Variants in NFIB observed in about 807,000 individuals in gnomAD.
NFIB encodes nuclear factor I B.
In NFIB, 11 loss-of-function variants were observed where a neutral mutation model predicts 61.5. That is an observed-to-expected ratio of 0.18 (90% CI 0.11 to 0.30). The LOEUF (loss-of-function observed/expected upper bound fraction) is 0.30. NFIB is among the 10% of genes least tolerant of loss of function. NFIB has a pLI of 1.00. For synonymous variants in NFIB, 260 were observed against 216.5 expected, an observed-to-expected ratio of 1.20 and a Z score of -1.76; for missense variants, 471 against 608.9, an observed-to-expected ratio of 0.77 and a Z score of 2.38.
the NFIB span, among the ~76,000 whole-genome samples, chr9:14,421,231 A>T: frequency 6.6e-6 from 1 of 152,170 alleles, no homozygotes; most frequent in Admixed American, 6.5e-5. Context: ...AAATGAGATA[A>T]ATAACAATCA....
intron 1 of NFIB, among the ~76,000 whole-genome samples, chr9:14,389,436 T>A (rs1371938286): frequency 6.6e-6 from 1 of 152,198 alleles, no homozygotes; most frequent in Admixed American, 6.5e-5. Context: ...CATATGCTTA[T>A]CTATACTAAG....
intron 1 of NFIB, among the ~76,000 whole-genome samples, chr9:14,386,599 G>C (rs1447088174): frequency 8.6e-6 from 1 of 116,014 alleles, no homozygotes; most frequent in African/African-American, 3.3e-5. Context: ...GAACTCATGA[G>C]AGCCTCTTAG....
chr9:14,120,350 A>T lies in NFIB; in HGVS notation c.1245+90T>A. 1 of 1,382,556 alleles carries T rather than the reference A, an allele frequency of 7.2e-7. No homozygotes were observed. The highest frequency in any genetic ancestry group is 1.0e-6 in the Non-Finnish European group (1 of 973,862). The allele number at this position is 1,382,556 out of a possible 1,614,324, so 85.6% of individuals were successfully genotyped here. A position where few individuals can be genotyped will look rare whatever the true frequency, so the allele number is the denominator to read the frequency against. Reference sequence around the variant, plus strand: ...GGATTTCAAGGCTTGACGTTCTGCCAGACACACTGTCTGACTAACCTTTGT... The same window carrying T: ...GGATTTCAAGGCTTGACGTTCTGCCTGACACACTGTCTGACTAACCTTTGT... On this transcript the variant is annotated intron_variant, in intron 8 of 10. Coordinates refer to ENST00000380953, the MANE Select transcript of NFIB (RefSeq NM_001190737.2). This position sits in a 1 kb window ranked among gnomAD's most constrained non-coding sequence, Gnocchi z 4.4.
intron 8 of NFIB, among the ~76,000 whole-genome samples, chr9:14,119,006 AT>A: frequency 6.6e-6 from 1 of 152,082 alleles, no homozygotes; most frequent in East Asian, 1.9e-4. Context: ...TAATTAAGAC[AT>A]CAGTTAAAAA....
At chr9:14,229,436 C>G (rs1226633841) in intron 2 of NFIB, among the ~76,000 whole-genome samples, 1 of 152,052 alleles carries the variant, frequency 6.6e-6, no homozygotes, top group Non-Finnish European at 1.5e-5. Flanking sequence ...AATTGAGCAC[C>G]AAAAGGCTGC....
In NFIB at chr9:14,216,537, TCTCTCC is replaced by T. The variant is rs1200116715; in HGVS notation, c.563-36763_563-36758del. ...CTCTCTCTCTCTCTCTCTCTCTCTC[TCTCTCC>T]CTCTGTGTGTGTGTGTGTGTGTGTG... is the stretch of plus-strand genomic sequence containing the variant. On this transcript the variant is annotated intron_variant, in intron 2 of 10. Coordinates refer to ENST00000380953, the MANE Select transcript of NFIB (RefSeq NM_001190737.2). Among the ~76,000 whole-genome samples, 276 of 28,920 alleles carry T rather than the reference TCTCTCC, an allele frequency of 9.5e-3. 10 individuals carry two copies. In the East Asian group the frequency reaches 0.11, roughly 12 times the overall value. 19.0% of individuals were successfully genotyped at this position (28,920 alleles called of 152,430 possible).
the NFIB span, among the ~76,000 whole-genome samples, chr9:14,408,198 G>T: frequency 3.3e-5 from 5 of 152,148 alleles, no homozygotes; most frequent in African/African-American, 1.2e-4. Context: ...ATGAGCCACG[G>T]GAGCTGGGCC....
At chr9:14,159,414 C>G (rs1359673759) in intron 3 of NFIB, among the ~76,000 whole-genome samples, 1 of 152,162 alleles carries the variant, frequency 6.6e-6, no homozygotes, top group Non-Finnish European at 1.5e-5. Flanking sequence ...GGCTCTACTC[C>G]TGCATGGAGC....
the NFIB span, among the ~76,000 whole-genome samples, chr9:14,441,060 A>G: frequency 6.6e-6 from 1 of 151,730 alleles, no homozygotes; most frequent in South Asian, 2.1e-4. Context: ...CTAGAACTAT[A>G]AAGATATCTT....
upstream of NFIB, chr9:14,317,275 A>G (rs1390609523): frequency 1.3e-5 from 2 of 152,244 alleles, no homozygotes; most frequent in African/African-American, 2.4e-5. Flanking sequence ...CGAAAAATTG[A>G]CAAGTATTAC....
intron 1 of NFIB, among the ~76,000 whole-genome samples, chr9:14,319,334 C>G (rs2060612292): frequency 6.6e-6 from 1 of 152,168 alleles, no homozygotes; most frequent in Admixed American, 6.5e-5. Flanking sequence ...GAGATGAGGC[C>G]AGTGCATCAA....
the NFIB span, among the ~76,000 whole-genome samples, chr9:14,428,596 T>C: frequency 6.6e-6 from 1 of 152,230 alleles, no homozygotes; most frequent in Non-Finnish European, 1.5e-5. Context: ...TTGCATGGTG[T>C]GATTTCTGAA....
the NFIB span, among the ~76,000 whole-genome samples, chr9:14,468,536 T>C: frequency 6.6e-6 from 1 of 152,232 alleles, no homozygotes. Flanking sequence ...TTTAATTTTG[T>C]TGCACTATTT....
intron 1 of NFIB, among the ~76,000 whole-genome samples, chr9:14,333,271 T>G (rs1340420187): frequency 6.6e-6 from 1 of 152,248 alleles, no homozygotes; most frequent in East Asian, 1.9e-4. Flanking sequence ...GATGAGAAGA[T>G]TTGTGTGCAT....
In NFIB at chr9:14,356,622, C is replaced by T. The variant is rs116465539; in HGVS notation, c.108+41902G>A. Among the ~76,000 whole-genome samples, 276 of 151,932 alleles carry T rather than the reference C, an allele frequency of 1.8e-3. 3 individuals are homozygous for T. Among genetic ancestry groups the T allele is most frequent in the African/African-American group, 6.0e-3 (249 of 41,412 alleles). ...TCTCCTGTTTTTTGCCTGGGGTTTA[C>T]GAGCAGGACTCCTCTCTTGCACTCC... On this transcript the variant is annotated intron_variant, in intron 1 of 8. Coordinates refer to the NFIB transcript ENST00000380934.
chr9:14,346,374 C>T (rs1453175570), intron 1 of NFIB, among the ~76,000 whole-genome samples: 2 of 149,114 alleles, frequency 1.3e-5, no homozygotes, highest in Non-Finnish European at 3.0e-5. Flanking sequence ...CGGGCGTCAT[C>T]TGCCACGTGT....
intron 3 of NFIB, among the ~76,000 whole-genome samples, chr9:14,157,950 A>G (rs1332401953): frequency 6.6e-6 from 1 of 152,008 alleles, no homozygotes; most frequent in African/African-American, 2.4e-5. Flanking sequence ...ATCTCCACTA[A>G]AAATACAAAA....
At chr9:14,342,137 G>A (rs1392270456) in intron 1 of NFIB, among the ~76,000 whole-genome samples, 2 of 152,142 alleles carry the variant, frequency 1.3e-5, no homozygotes, top group African/African-American at 2.4e-5. Context: ...CTGTGAAAAC[G>A]TATACATGGC....
intron 6 of NFIB, among the ~76,000 whole-genome samples, chr9:14,140,891 T>G (rs1336640944): frequency 2.0e-5 from 3 of 152,144 alleles, no homozygotes; most frequent in African/African-American, 7.2e-5. Flanking sequence ...GCCATGATCG[T>G]GCCGCTGCAC....
Sources: gnomAD v4.1 joint callset for allele counts (sites outside exome capture counted in the v4.1 genomes callset) on GRCh38, gnomAD v4.1.1 for gene constraint, Gnocchi (gnomAD v3.1) non-coding constraint, MANE v1.5 for transcripts, NCBI Gene and HGNC (gene_info 2026-07-23, HGNC 2026-07-21) for gene names.